The following CNRIP1 variants were observed in gnomAD, a reference collection of about 807,000 sequenced individuals.
The protein encoded by CNRIP1 is cannabinoid receptor interacting protein 1, also known as CB1 cannabinoid receptor-interacting protein 1.
CNRIP1 carries 10 observed loss-of-function variants against 15.2 expected under a neutral mutation model. That is an observed-to-expected ratio of 0.66 (90% CI 0.41 to 1.12). The LOEUF (loss-of-function observed/expected upper bound fraction) is 1.12. Among genes scored for constraint, CNRIP1 ranks in the 50% most tolerant of loss-of-function variants. The probability of loss-of-function intolerance (pLI) is 0.00; values close to 1 mark genes in which losing one functional copy is unlikely to be tolerated. For synonymous variants in CNRIP1, 91 were observed against 83.2 expected (o/e 1.09, Z -0.51); for missense variants, 211 against 214.7 (o/e 0.98, Z 0.11).
In CNRIP1 at chr2:68,297,354, C is replaced by G. The variant is rs1308324459; in HGVS notation, c.331-3328G>C. ...GGCCAACATAGTAGTACCACTTGAA[C>G]CCAGAAGTTTAAGACCAGCTTAGAC... is the stretch of plus-strand genomic sequence containing the variant. On this transcript the variant is annotated intron_variant, in intron 2 of 2. Coordinates refer to ENST00000263655, the MANE Select transcript of CNRIP1 (RefSeq NM_015463.3). Among the ~76,000 whole-genome samples, 4 of 151,834 alleles carry G rather than the reference C, an allele frequency of 2.6e-5. No homozygotes were observed. In the East Asian group the frequency reaches 7.7e-4, roughly 29 times the overall value.
At chr2:68,305,619 C>G (rs1021197464) in intron 2 of CNRIP1, among the ~76,000 whole-genome samples, 1 of 150,366 alleles carries the variant, frequency 6.7e-6, no homozygotes, top group Non-Finnish European at 1.5e-5. Flanking sequence ...CACGGTGAAA[C>G]CCCGTCTCTA....
rs149929078 is a variant in CNRIP1 at position 68,303,494 on chromosome 2, A to G, written c.331-9468T>C. On this transcript the variant is annotated intron_variant, in intron 2 of 2. Transcript: ENST00000263655. ...AATTTCCTGTTCACCTCCTCATGCT[A>G]CTACTGCTCCCTCTGGGCCTCTGGT... Among the ~76,000 whole-genome samples the G allele has an allele frequency of 9.9e-5, 15 of 152,272 alleles. No individual in the cohort carries two copies. In the East Asian group the frequency reaches 2.9e-3, roughly 29 times the overall value.
chr2:68,294,793 G>C (rs548249604), intron 2 of CNRIP1, among the ~76,000 whole-genome samples: 1 of 152,278 alleles, frequency 6.6e-6, no homozygotes, highest in South Asian at 2.1e-4. Context: ...ACATTACCCA[G>C]AACCATATTT....
intron 2 of CNRIP1, among the ~76,000 whole-genome samples, chr2:68,285,283 CTCAGACAA>C (rs889530746): frequency 5.5e-5 from 8 of 144,334 alleles, no homozygotes; most frequent in Non-Finnish European, 1.1e-4. Flanking sequence ...TTCAAGTCTG[CTCAGACAA>C]TCTCCCTCCC....
At chr2:68,313,106 A>G (rs1379882811) in intron 2 of CNRIP1, among the ~76,000 whole-genome samples, 1 of 152,132 alleles carries the variant, frequency 6.6e-6, no homozygotes, top group African/African-American at 2.4e-5. Context: ...AAGCTAGAAG[A>G]TTTATGCTAC....
chr2:68,312,083 C>T (rs1672098319), intron 2 of CNRIP1, among the ~76,000 whole-genome samples: 1 of 152,066 alleles, frequency 6.6e-6, no homozygotes, highest in South Asian at 2.1e-4. Context: ...ATAAACTCTT[C>T]CAGAAAATAG....
chr2:68,294,050 A>G (rs757089630), intron 2 of CNRIP1, 24 bp from the exon 3 acceptor site: 1 of 1,609,440 alleles, frequency 6.2e-7, no homozygotes, highest in African/African-American at 1.3e-5. Flanking sequence ...AACATGCCTG[A>G]TAAAAAACCT....
intron 2 of CNRIP1, among the ~76,000 whole-genome samples, chr2:68,305,274 ATGTGTGTGTGTGTGTG>A (rs10601379): frequency 3.2e-4 from 39 of 120,636 alleles, no homozygotes; most frequent in African/African-American, 7.2e-4. Flanking sequence ...ATATATATAT[ATGTGTGTGTGTGTGTG>A]TGTGTGTGTG....
At chr2:68,309,974 T>C (rs930063032) in intron 2 of CNRIP1, among the ~76,000 whole-genome samples, 2 of 152,182 alleles carry the variant, frequency 1.3e-5, no homozygotes, top group Admixed American at 1.3e-4. Context: ...TATGTATGTA[T>C]GTATGCATGC....
At chr2:68,305,259 A>AAAAAAAAT (rs1267101468) in intron 2 of CNRIP1, among the ~76,000 whole-genome samples, 4 of 100,360 alleles carry the variant, frequency 4.0e-5, no homozygotes, top group African/African-American at 1.1e-4. Context: ...AAAAAAAAAA[A>AAAAAAAAT]ATATATATAT....
chr2:68,293,587 C>T lies in CNRIP1; in HGVS notation c.*275G>A, dbSNP rs1671238187. On this transcript the variant is annotated 3_prime_UTR_variant, in exon 3 of 3. Transcript: ENST00000263655. The stretch of plus-strand genomic sequence containing the variant: ...TGCCAGGGCCACTGAACTCCAGTCA[C>T]AAGTGGTCAAAAGTATGACCGAGAA... 1 of 1,104,766 alleles carries T rather than the reference C, an allele frequency of 9.1e-7. No individual in the cohort carries two copies. The highest frequency in any genetic ancestry group is 1.1e-6 in the Non-Finnish European group (1 of 902,030). 68.4% of individuals were successfully genotyped at this position (1,104,766 alleles called of 1,614,324 possible).
At chr2:68,303,262 T>A (rs1328578558) in intron 2 of CNRIP1, among the ~76,000 whole-genome samples, 1 of 152,192 alleles carries the variant, frequency 6.6e-6, no homozygotes, top group Non-Finnish European at 1.5e-5. Flanking sequence ...AAAGCAGAAC[T>A]GCAAATACTA....
intron 2 of CNRIP1, chr2:68,315,903 AT>A (rs1672251111): frequency 6.6e-6 from 1 of 152,160 alleles, no homozygotes; most frequent in Admixed American, 6.5e-5. Flanking sequence ...ACACATATAT[AT>A]TCAAAGACAT....
intron 2 of CNRIP1, among the ~76,000 whole-genome samples, chr2:68,312,285 T>G (rs796274988): frequency 6.6e-6 from 1 of 152,048 alleles, no homozygotes; most frequent in Non-Finnish European, 1.5e-5. Flanking sequence ...TGACCAGTGG[T>G]ATTTAACCTG....
chr2:68,287,773 T>C (rs908412658), intron 2 of CNRIP1, among the ~76,000 whole-genome samples: 1 of 152,210 alleles, frequency 6.6e-6, no homozygotes, highest in African/African-American at 2.4e-5. Flanking sequence ...TCAGATCCTA[T>C]CATGTGCCTC....
rs555185787 is a variant in CNRIP1, at chr2:68,300,697, G to T, written c.331-6671C>A. Among the ~76,000 whole-genome samples the T allele has an allele frequency of 1.6e-3, 250 of 151,992 alleles. 2 individuals carry two copies. The highest frequency in any genetic ancestry group is 1.7e-3 in the South Asian group (8 of 4,808). ...AAAGAAAGACTATAGAGAAAACAAT[G>T]AAACTAAAATCTAGTTTTTTTGAAA... On this transcript the variant is annotated intron_variant, in intron 2 of 2. Transcript: ENST00000263655.
At chr2:68,294,154 G>C in intron 2 of CNRIP1, 128 bp from the exon 3 acceptor site, 1 of 911,846 alleles carries the variant, frequency 1.1e-6, no homozygotes. Context: ...GGTCTGCAAG[G>C]CTCGGAAGGC....
intron 1 of CNRIP1, 62 bp downstream of exon 1, chr2:68,319,160 G>C (rs1205076625): frequency 2.1e-6 from 3 of 1,447,610 alleles, no homozygotes; most frequent in South Asian, 1.4e-5. Flanking sequence ...TGTCCTGGGG[G>C]CCTCAGTCCT....
intron 2 of CNRIP1, among the ~76,000 whole-genome samples, chr2:68,313,210 G>A (rs1283069335): frequency 1.3e-5 from 2 of 152,134 alleles, no homozygotes; most frequent in Non-Finnish European, 2.9e-5. Flanking sequence ...CATTGAGTAT[G>A]TAAAGCAACT....
Sources: allele counts gnomAD v4.1 joint callset (sites outside exome capture counted in the v4.1 genomes callset), GRCh38; gene constraint gnomAD v4.1.1; transcripts MANE v1.5; gene names NCBI Gene and HGNC (gene_info 2026-07-23, HGNC 2026-07-21).